SRGAP3: variants seen among roughly 807,000 people sequenced by gnomAD.
SRGAP3 encodes SLIT-ROBO Rho GTPase-activating protein 3.
Under a neutral mutation model 121.1 loss-of-function variants are expected in SRGAP3, and 39 were observed. The ratio of observed to expected loss-of-function variants is 0.32; its 90% CI spans 0.25 to 0.42. The LOEUF (loss-of-function observed/expected upper bound fraction) is 0.42, where lower values mean the gene tolerates loss of function less well. SRGAP3 is among the 10% of genes least tolerant of loss of function. The probability of loss-of-function intolerance (pLI) is 1.00; values close to 1 mark genes in which losing one functional copy is unlikely to be tolerated. For missense variants in SRGAP3, 1,213 were observed against 1,470.6 expected (o/e 0.82, Z 2.86); for synonymous variants, 601 against 570.0 (o/e 1.05, Z -0.77).
chr3:9,081,756 T>C (rs116746554), intron 3 of SRGAP3, among the ~76,000 whole-genome samples: 1,791 of 152,350 alleles, frequency 0.012, 16 homozygotes, highest in Non-Finnish European at 0.018. Flanking sequence ...AAATTATCTC[T>C]AGGTTCCATG....
At position 8,985,785 on chromosome 3, in the gene SRGAP3, G is replaced by C. The variant is rs774571658; in HGVS notation, c.3034C>G (p.Pro1012Ala). 182 of 1,600,274 alleles carry C rather than the reference G, an allele frequency of 1.1e-4. No individual in the cohort carries two copies. Among genetic ancestry groups the C allele is most frequent in the Non-Finnish European group, 1.5e-4 (177 of 1,179,866 alleles). Residue 1012 changes from proline to alanine, a missense_variant, in exon 22 of 22, where the codon CCC becomes GCC. Around this residue, in one of 2 missense-constraint regions of SRGAP3, gnomAD observed 420 missense variants for 437.7 expected, o/e 0.96. Coordinates refer to ENST00000383836, the MANE Select transcript of SRGAP3 (RefSeq NM_014850.4). The surrounding 1 kb of genome is among the most constrained non-coding windows in gnomAD (Gnocchi z 5.1). ...PGPVSSEPASPLHTIVIRDPD... is the reference protein window; with the variant it reads ...PGPVSSEPASALHTIVIRDPD... The stretch of plus-strand genomic sequence containing the variant: ...TCGCGGATGACGATGGTGTGAAGGG[G>C]ACTGGCGGGCTCCGAGCTGACGGGG...
intron 3 of SRGAP3, among the ~76,000 whole-genome samples, chr3:9,298,490 T>C (rs189403771): frequency 1.6e-4 from 24 of 152,298 alleles, no homozygotes; most frequent in African/African-American, 5.3e-4. Context: ...TGATAGCTAG[T>C]ATCCAAAGAT....
chr3:9,095,611 C>T (rs1947935602), intron 3 of SRGAP3, among the ~76,000 whole-genome samples: 1 of 152,182 alleles, frequency 6.6e-6, no homozygotes, highest in Non-Finnish European at 1.5e-5. Flanking sequence ...ATCTGTAATG[C>T]ACCACTGTCG....
intron 3 of SRGAP3, among the ~76,000 whole-genome samples, chr3:9,255,224 A>G (rs989981525): frequency 6.6e-6 from 1 of 152,248 alleles, no homozygotes; most frequent in Non-Finnish European, 1.5e-5. Context: ...CCAACCACCC[A>G]GTAGAAAAGT....
At chr3:9,001,759 A>C (rs1342939605) in intron 18 of SRGAP3, among the ~76,000 whole-genome samples, 3 of 152,202 alleles carry the variant, frequency 2.0e-5, no homozygotes, top group African/African-American at 7.2e-5. Context: ...GGAAAGCTAG[A>C]ATGACTATAC....
intron 1 of SRGAP3, among the ~76,000 whole-genome samples, chr3:9,180,284 G>A (rs1951334395): frequency 6.6e-6 from 1 of 152,224 alleles, no homozygotes; most frequent in Non-Finnish European, 1.5e-5. Context: ...GCAGACAGCT[G>A]CCCTCAAGAC....
chr3:8,989,811 A>C (rs1358697000), intron 21 of SRGAP3, among the ~76,000 whole-genome samples: 1 of 152,256 alleles, frequency 6.6e-6, no homozygotes, highest in Non-Finnish European at 1.5e-5. Flanking sequence ...CCCTCTAAGC[A>C]CTTGAGAAGA....
intron 3 of SRGAP3, among the ~76,000 whole-genome samples, chr3:9,324,304 C>T (rs1006793971): frequency 6.6e-6 from 1 of 151,926 alleles, no homozygotes; most frequent in Admixed American, 6.5e-5. Flanking sequence ...AACAATTCCC[C>T]CCTTTTGGTC....
At chr3:9,208,347 G>T (rs558404737) in intron 1 of SRGAP3, among the ~76,000 whole-genome samples, 1 of 152,276 alleles carries the variant, frequency 6.6e-6, no homozygotes, top group African/African-American at 2.4e-5. Flanking sequence ...GCTGGAGCCT[G>T]AAACCCCTCT....
chr3:8,995,957 A>G (rs1036782940), intron 18 of SRGAP3, among the ~76,000 whole-genome samples: 3 of 152,216 alleles, frequency 2.0e-5, no homozygotes, highest in African/African-American at 7.2e-5. Flanking sequence ...GGGGCTCTCT[A>G]TCTGCTCCAT....
intron 1 of SRGAP3, among the ~76,000 whole-genome samples, chr3:9,212,640 G>A (rs1231225139): frequency 6.6e-6 from 1 of 152,186 alleles, no homozygotes; most frequent in East Asian, 1.9e-4. Context: ...ACTTGAACCA[G>A]GGAGTCAGAG....
intron 4 of SRGAP3, among the ~76,000 whole-genome samples, chr3:9,068,342 C>CT (rs1286772080): frequency 2.0e-5 from 3 of 152,150 alleles, no homozygotes; most frequent in Non-Finnish European, 2.9e-5. Context: ...GCCTAGTTTT[C>CT]TTTTTTTATT....
chr3:9,041,417 C>T (rs142240721), intron 10 of SRGAP3, among the ~76,000 whole-genome samples: 47 of 152,346 alleles, frequency 3.1e-4, no homozygotes, highest in Non-Finnish European at 6.5e-4. Flanking sequence ...GCTGCCTTGG[C>T]AAGGGTATGG....
intron 3 of SRGAP3, among the ~76,000 whole-genome samples, chr3:9,086,172 T>G (rs1947462746): frequency 6.6e-6 from 1 of 152,222 alleles, no homozygotes. Context: ...AATATCTTAT[T>G]TCCCTATTCC....
Position 9,056,333 on chromosome 3 carries a change from A to T in SRGAP3, c.1025T>A (p.Val342Asp), listed in dbSNP as rs1174263267. ...FEFQPHMGDE[V>D]CQVSAQQPVQ... ...GGGCTGCTGAGCGCTGACCTGGCAG[A>T]CCTGCAGGAATAACAGCCACCATCT... The change falls in exon 8 of 22, where the codon GTC becomes GAC. Residue 342 changes from valine to aspartate, a missense_variant and splice_region_variant. This residue lies in a region of SRGAP3 where 793 missense variants were observed against 1,032.9 expected (regional missense o/e 0.77). Coordinates refer to ENST00000383836, the MANE Select transcript of SRGAP3 (RefSeq NM_014850.4). The T allele has an allele frequency of 6.2e-7, 1 of 1,612,406 alleles. No individual in the cohort carries two copies. The highest frequency in any genetic ancestry group is 8.5e-7 in the Non-Finnish European group (1 of 1,179,842).
intron 1 of SRGAP3, among the ~76,000 whole-genome samples, chr3:9,180,453 G>A (rs1232792689): frequency 6.6e-6 from 1 of 152,192 alleles, no homozygotes; most frequent in Non-Finnish European, 1.5e-5. Flanking sequence ...TTTGGCTGCA[G>A]AAGCAGGCGA....
chr3:9,269,470 T>G (rs1241717646), intron 3 of SRGAP3, among the ~76,000 whole-genome samples: 1 of 152,186 alleles, frequency 6.6e-6, no homozygotes, highest in African/African-American at 2.4e-5. Flanking sequence ...CCACCTAGAC[T>G]CCTCAAGACC....
chr3:9,019,108 T>A (rs1007308705), intron 14 of SRGAP3, among the ~76,000 whole-genome samples: 1 of 152,180 alleles, frequency 6.6e-6, no homozygotes. Flanking sequence ...ATACAATCAA[T>A]CTCTTAGGGG....
intron 3 of SRGAP3, among the ~76,000 whole-genome samples, chr3:9,087,047 A>T (rs1947532720): frequency 6.6e-6 from 1 of 151,808 alleles, no homozygotes; most frequent in Non-Finnish European, 1.5e-5. Flanking sequence ...ATGCATATGT[A>T]ACATACATAT....
Sources: gnomAD v4.1 joint callset for allele counts (sites outside exome capture counted in the v4.1 genomes callset) on GRCh38, gnomAD v4.1.1 for gene constraint, gnomAD v4.1.1 regional missense constraint, Gnocchi (gnomAD v3.1) non-coding constraint, MANE v1.5 for transcripts, NCBI Gene and HGNC (gene_info 2026-07-23, HGNC 2026-07-21) for gene names.